Variants in SARDH observed in about 807,000 individuals in gnomAD.
The protein encoded by SARDH is sarcosine dehydrogenase, mitochondrial.
A neutral mutation model predicts 109.1 loss-of-function variants in SARDH; 95 were observed. The observed-to-expected ratio is 0.87, with a 90% CI of 0.74 to 1.03. The LOEUF is 1.03. SARDH is among the 50% of genes least tolerant of loss of function. The probability of loss-of-function intolerance (pLI) is 0.00; values close to 1 mark genes in which losing one functional copy is unlikely to be tolerated. For missense variants in SARDH, 1,267 were observed against 1,287.8 expected (o/e 0.98, Z 0.25); for synonymous variants, 572 against 534.8 (o/e 1.07, Z -0.96).
intron 8 of SARDH, among the ~76,000 whole-genome samples, chr9:133,716,431 TGG>T (rs1832125081): frequency 6.6e-6 from 1 of 152,190 alleles, no homozygotes; most frequent in African/African-American, 2.4e-5. Context: ...TTATAAACAC[TGG>T]GGTGCCAAGG....
intron 17 of SARDH, among the ~76,000 whole-genome samples, chr9:133,682,593 A>C (rs930435695): frequency 2.0e-5 from 3 of 152,190 alleles, no homozygotes; most frequent in African/African-American, 7.2e-5. Context: ...GGTCGTGCCC[A>C]AAGTGGGCTT....
In SARDH at chr9:133,704,907, G is replaced by T; in HGVS notation, c.1554+41C>A. ...GTGGAGGGGCAAGGGGGTTGTCAGG[G>T]CAGGGCCTCCCAGCAGCACAGCCCA... is the stretch of plus-strand genomic sequence containing the variant. On this transcript the variant is annotated intron_variant, in intron 12 of 20. Transcript: ENST00000439388. This position sits in a 1 kb window ranked among gnomAD's most constrained non-coding sequence, Gnocchi z 4.5. 6.5e-7 allele frequency: 1 copy of T among 1,530,198 alleles called. No homozygotes were observed. Among genetic ancestry groups the T allele is most frequent in the Non-Finnish European group, 8.9e-7 (1 of 1,127,024 alleles). 94.8% of individuals were successfully genotyped at this position (1,530,198 alleles called of 1,614,324 possible).
chr9:133,737,396 G>A (rs958233195), intron 1 of SARDH, among the ~76,000 whole-genome samples: 6 of 152,110 alleles, frequency 3.9e-5, no homozygotes, highest in African/African-American at 1.4e-4. Context: ...AGGTGGCCCC[G>A]GACAAGGAGG....
intron 6 of SARDH, among the ~76,000 whole-genome samples, chr9:133,725,979 C>T (rs938500445): frequency 9.2e-5 from 14 of 152,154 alleles, no homozygotes; most frequent in African/African-American, 3.4e-4. Flanking sequence ...CCTCCCTCTC[C>T]GCCAGGATCC....
chr9:133,660,102 T>G (rs1359148065), downstream of SARDH, among the ~76,000 whole-genome samples: 1 of 136,314 alleles, frequency 7.3e-6, no homozygotes, highest in East Asian at 2.5e-4. Context: ...AGGCTGGTTA[T>G]CCTCTTCCTC....
rs546630620 is a variant in SARDH, at chr9:133,713,349, C to T, written c.1151-225G>A. Among the ~76,000 whole-genome samples, 257 of 152,252 alleles carry T rather than the reference C, an allele frequency of 1.7e-3. 2 individuals are homozygous for T. The highest frequency in any genetic ancestry group is 3.4e-3 in the Middle Eastern group (1 of 294). ...CACGTGTGCTGCCAGAACCAGCTGACGGCGACCTGGCTGGGTTCTGCCTGG... is the reference window on the plus strand; with the variant it reads ...CACGTGTGCTGCCAGAACCAGCTGATGGCGACCTGGCTGGGTTCTGCCTGG... On this transcript the variant is annotated intron_variant, in intron 8 of 20. Transcript: ENST00000439388.
chr9:133,687,802 C>T (rs527849488), intron 16 of SARDH, among the ~76,000 whole-genome samples: 59 of 152,136 alleles, frequency 3.9e-4, no homozygotes, highest in Non-Finnish European at 7.6e-4. Context: ...ATAACAATTC[C>T]GAAAGTGCAG....
At chr9:133,662,543 T>C (rs1317153067), downstream of SARDH, among the ~76,000 whole-genome samples, 2 of 152,290 alleles carry the variant, frequency 1.3e-5, no homozygotes, top group East Asian at 3.9e-4. This position sits in a 1 kb window ranked among gnomAD's most constrained non-coding sequence, Gnocchi z 5.1. Flanking sequence ...CACCCTGGTC[T>C]CCAGCCGCAG....
rs553579513 is a variant in SARDH, at chr9:133,680,570, C to T, written c.2163+4623G>A. Among the ~76,000 whole-genome samples the T allele has an allele frequency of 4.3e-4, 65 of 152,346 alleles. 1 individual carries two copies. Among genetic ancestry groups the T allele is most frequent in the Non-Finnish European group, 7.3e-4 (50 of 68,038 alleles). On this transcript the variant is annotated intron_variant, in intron 17 of 20. Coordinates refer to ENST00000439388, the MANE Select transcript of SARDH (RefSeq NM_001134707.2). ...GGCCCAGAACCTCTGCTCTCCTGGC[C>T]CACACCTCCCCAGGGCCCTCAAGAG...
At position 133,664,069 on chromosome 9, in the gene SARDH, C is replaced by G; in HGVS notation, c.2632-55G>C. Reference sequence around the variant, plus strand: ...TCTCTGTTGGTAGGTACAGGGCTCACGTCTGCCTGCTTCTCTGGAGGAGGG... The same window carrying G: ...TCTCTGTTGGTAGGTACAGGGCTCAGGTCTGCCTGCTTCTCTGGAGGAGGG... On this transcript the variant is annotated intron_variant, in intron 20 of 20. Transcript: ENST00000439388. The G allele has an allele frequency of 1.3e-6, 2 of 1,583,854 alleles. 1 individual carries two copies. Among genetic ancestry groups the G allele is most frequent in the South Asian group, 2.3e-5 (2 of 87,678 alleles).
Position 133,717,576 on chromosome 9 carries a change from C to T in SARDH, c.1021-121G>A, listed in dbSNP as rs117059013. The T allele has an allele frequency of 1.1e-3, 1,601 of 1,392,596 alleles. 20 individuals are homozygous for T. The East Asian group carries it at 0.016, about 14-fold the overall frequency. 86.3% of individuals were successfully genotyped at this position (1,392,596 alleles called of 1,614,324 possible). On this transcript the variant is annotated intron_variant, in intron 7 of 20. Coordinates refer to ENST00000439388, the MANE Select transcript of SARDH (RefSeq NM_001134707.2). ...CTGCTGAATCAGATGCATTAGAGGG[C>T]TGGTGGTCACCCACACGTCCCAGCC...
chr9:133,696,426 C>T (rs948222096), intron 13 of SARDH, 65 bp from the exon 14 acceptor site: 12 of 1,607,286 alleles, frequency 7.5e-6, no homozygotes, highest in African/African-American at 6.7e-5. Context: ...TCCTCAAGAA[C>T]GTGGAGAACG....
rs1402555438 is a variant in SARDH, at chr9:133,693,219, G to T, written c.1921+1039C>A. On this transcript the variant is annotated intron_variant, in intron 15 of 20. Transcript: ENST00000439388. This position sits in a 1 kb window ranked among gnomAD's most constrained non-coding sequence, Gnocchi z 5.6. Reference sequence around the variant, plus strand: ...CAGAACCTCCTGTGTTTGGCTCACTGTTGGGTCCTCCGTGCCTCAAACTGA... The same window carrying T: ...CAGAACCTCCTGTGTTTGGCTCACTTTTGGGTCCTCCGTGCCTCAAACTGA... Among the ~76,000 whole-genome samples, 9 of 152,138 alleles carry T rather than the reference G, an allele frequency of 5.9e-5. No individual in the cohort carries two copies. The highest frequency in any genetic ancestry group is 1.2e-4 in the Non-Finnish European group (8 of 68,032).
downstream of SARDH, among the ~76,000 whole-genome samples, chr9:133,659,675 A>T (rs1274473092): frequency 9.2e-5 from 14 of 152,162 alleles, no homozygotes. Context: ...ACTTCACTTC[A>T]TCACAGAAGG....
At chr9:133,689,267 T>A (rs943561221) in intron 16 of SARDH, among the ~76,000 whole-genome samples, 8 of 151,636 alleles carry the variant, frequency 5.3e-5, no homozygotes, top group Non-Finnish European at 1.2e-4. Context: ...ATCACCCCTT[T>A]GATATCCTCC....
At chr9:133,726,048 A>G (rs1243634174) in intron 6 of SARDH, among the ~76,000 whole-genome samples, 1 of 152,150 alleles carries the variant, frequency 6.6e-6, no homozygotes, top group Non-Finnish European at 1.5e-5. Context: ...GTCAGGTGGC[A>G]CATAGAAGTT....
intron 13 of SARDH, among the ~76,000 whole-genome samples, 169 bp downstream of exon 13, chr9:133,702,747 C>G (rs988383131): frequency 1.3e-5 from 2 of 152,136 alleles, no homozygotes; most frequent in African/African-American, 4.8e-5. Flanking sequence ...GAGAGGAAAA[C>G]GCATGATTCC....
In SARDH at chr9:133,663,600, T is replaced by C. The variant is rs1377589473; in HGVS notation, c.*289A>G. On this transcript the variant is annotated 3_prime_UTR_variant, in exon 21 of 21. Coordinates refer to ENST00000439388, the MANE Select transcript of SARDH (RefSeq NM_001134707.2). ...TATCAAGTATTTACTAAGCACCTTC[T>C]AGAAGCTTGGAAAGGGCTACAAGCC... 4.6e-6 allele frequency: 2 copies of C among 430,244 alleles called. No homozygotes were observed. Among genetic ancestry groups the C allele is most frequent in the Non-Finnish European group, 8.3e-6 (2 of 240,548 alleles). 26.7% of individuals were successfully genotyped at this position (430,244 alleles called of 1,614,324 possible).
intron 1 of SARDH, among the ~76,000 whole-genome samples, chr9:133,735,102 G>A (rs1390160448): frequency 5.3e-5 from 8 of 152,182 alleles, no homozygotes; most frequent in Non-Finnish European, 1.2e-4. Flanking sequence ...GCAGGGTATC[G>A]GCAGGCAGCC....
Sources: gnomAD v4.1 joint callset for allele counts (sites outside exome capture counted in the v4.1 genomes callset) on GRCh38, gnomAD v4.1.1 for gene constraint, Gnocchi (gnomAD v3.1) non-coding constraint, MANE v1.5 for transcripts, NCBI Gene and HGNC (gene_info 2026-07-23, HGNC 2026-07-21) for gene names.